GALNTL6: variants seen among roughly 807,000 people sequenced by gnomAD.
The protein encoded by GALNTL6 is polypeptide N-acetylgalactosaminyltransferase-like 6.
In GALNTL6, 46 loss-of-function variants were observed where a neutral mutation model predicts 73.7. The ratio of observed to expected loss-of-function variants is 0.62; its 90% CI spans 0.49 to 0.80. The LOEUF is 0.80. GALNTL6 is among the 30% of genes least tolerant of loss of function. The probability of loss-of-function intolerance (pLI) is 0.00; values close to 1 mark genes in which losing one functional copy is unlikely to be tolerated. For missense variants in GALNTL6, 604 were observed against 755.0 expected, an observed-to-expected ratio of 0.80 and a Z score of 2.34; for synonymous variants, 259 against 263.7, an observed-to-expected ratio of 0.98 and a Z score of 0.17.
At chr4:172,407,285 G>A (rs985504692) in intron 5 of GALNTL6, among the ~76,000 whole-genome samples, 9 of 152,050 alleles carry the variant, frequency 5.9e-5, no homozygotes, top group African/African-American at 2.2e-4. Context: ...AAAACTAAGT[G>A]AATGGCAGTA....
chr4:171,970,274 T>C (rs1739527952), intron 2 of GALNTL6, among the ~76,000 whole-genome samples: 1 of 152,226 alleles, frequency 6.6e-6, no homozygotes, highest in South Asian at 2.1e-4. Flanking sequence ...AAATACTACC[T>C]ACTGTAAATT....
At chr4:172,846,434 A>G (rs1743509908) in intron 7 of GALNTL6, among the ~76,000 whole-genome samples, 1 of 152,204 alleles carries the variant, frequency 6.6e-6, no homozygotes, top group Admixed American at 6.5e-5. Flanking sequence ...TTCTGTGTAC[A>G]TACACAGAAC....
In GALNTL6 at chr4:172,618,492, T is replaced by C. The variant is rs115987514; in HGVS notation, c.554-190869T>C. ...CCAACTCATCTGCTTTCTTTGGTAA[T>C]AAATTTAGTAAAGAGAGAAATTCTT... On this transcript the variant is annotated intron_variant, in intron 5 of 12. Transcript: ENST00000506823. 3.4e-3 allele frequency among the ~76,000 whole-genome samples: 514 copies of C among 152,264 alleles called. 3 individuals are homozygous for C. Among genetic ancestry groups the C allele is most frequent in the African/African-American group, 0.012 (478 of 41,558 alleles).
chr4:172,707,263 T>A (rs1301648600), intron 5 of GALNTL6, among the ~76,000 whole-genome samples: 1 of 152,198 alleles, frequency 6.6e-6, no homozygotes, highest in East Asian at 1.9e-4. Flanking sequence ...GTTCAAAAAA[T>A]TCTTCAACTT....
chr4:172,259,957 A>G (rs1303700270), intron 3 of GALNTL6, among the ~76,000 whole-genome samples: 1 of 151,648 alleles, frequency 6.6e-6, no homozygotes, highest in Non-Finnish European at 1.5e-5. Context: ...ATTATGTTCC[A>G]TTAGTCCACT....
intron 10 of GALNTL6, among the ~76,000 whole-genome samples, chr4:172,999,407 C>G (rs1579762716): frequency 6.6e-6 from 1 of 152,132 alleles, no homozygotes; most frequent in Non-Finnish European, 1.5e-5. Context: ...CTTCCAGCAC[C>G]CTCTATTAGC....
At chr4:172,025,702 G>T (rs917873027) in intron 2 of GALNTL6, among the ~76,000 whole-genome samples, 4 of 151,798 alleles carry the variant, frequency 2.6e-5, no homozygotes, top group African/African-American at 9.7e-5. Flanking sequence ...CTAAATATTG[G>T]TTCAGTATAT....
chr4:172,870,810 A>G (rs1744894289), intron 7 of GALNTL6, among the ~76,000 whole-genome samples: 1 of 152,222 alleles, frequency 6.6e-6, no homozygotes, highest in African/African-American at 2.4e-5. Flanking sequence ...GAGAAATGTG[A>G]CCAGGATTAA....
chr4:172,426,406 A>G (rs1455322728), intron 5 of GALNTL6, among the ~76,000 whole-genome samples: 1 of 152,166 alleles, frequency 6.6e-6, no homozygotes, highest in African/African-American at 2.4e-5. Context: ...ACATTTAACA[A>G]TATCACACAA....
intron 2 of GALNTL6, among the ~76,000 whole-genome samples, chr4:172,047,870 A>G (rs538710040): frequency 2.0e-5 from 3 of 152,270 alleles, no homozygotes; most frequent in Non-Finnish European, 4.4e-5. Context: ...AATTAATATT[A>G]TTATTGTGTT....
At chr4:172,143,526 C>T (rs1326860990) in intron 2 of GALNTL6, among the ~76,000 whole-genome samples, 1 of 151,610 alleles carries the variant, frequency 6.6e-6, no homozygotes, top group Non-Finnish European at 1.5e-5. Flanking sequence ...ACCTTTTTTG[C>T]ACCATACTAA....
intron 5 of GALNTL6, among the ~76,000 whole-genome samples, chr4:172,764,724 A>T (rs907464470): frequency 2.6e-5 from 4 of 152,194 alleles, no homozygotes; most frequent in Admixed American, 2.0e-4. Context: ...TGTCTCAAAA[A>T]TAGAATCACA....
At chr4:172,019,302 C>T (rs1205343491) in intron 2 of GALNTL6, among the ~76,000 whole-genome samples, 1 of 151,986 alleles carries the variant, frequency 6.6e-6, no homozygotes, top group Non-Finnish European at 1.5e-5. Context: ...TGAAAAATGT[C>T]TGTTTGGAGC....
intron 5 of GALNTL6, among the ~76,000 whole-genome samples, chr4:172,380,681 T>G (rs1032939969): frequency 3.3e-5 from 5 of 152,230 alleles, no homozygotes; most frequent in African/African-American, 1.2e-4. Context: ...CTTAAAGCTT[T>G]AAAAATGTAA....
chr4:172,579,168 C>T (rs1386839256), intron 5 of GALNTL6, among the ~76,000 whole-genome samples: 2 of 152,096 alleles, frequency 1.3e-5, no homozygotes, highest in Non-Finnish European at 2.9e-5. Flanking sequence ...TATGTTTGTC[C>T]ACTGTTGTCA....
At chr4:172,132,428 G>A (rs1733523098) in intron 2 of GALNTL6, among the ~76,000 whole-genome samples, 1 of 152,088 alleles carries the variant, frequency 6.6e-6, no homozygotes, top group Admixed American at 6.5e-5. Context: ...GTTCAACTCT[G>A]AGATTGGAAA....
intron 2 of GALNTL6, chr4:171,816,231 T>C (rs1734521088): frequency 6.6e-6 from 1 of 152,106 alleles, no homozygotes; most frequent in African/African-American, 2.4e-5. Flanking sequence ...CAATTAACAA[T>C]AACCATCTGA....
At chr4:171,978,892 A>G (rs899502141) in intron 2 of GALNTL6, among the ~76,000 whole-genome samples, 1 of 152,254 alleles carries the variant, frequency 6.6e-6, no homozygotes, top group Non-Finnish European at 1.5e-5. Flanking sequence ...CTACATATAC[A>G]TATAAATCAA....
chr4:172,668,208 A>T (rs1731778751), intron 5 of GALNTL6: 1 of 152,206 alleles, frequency 6.6e-6, no homozygotes, highest in Non-Finnish European at 1.5e-5. Flanking sequence ...CTACATTAGG[A>T]ATTTGAATGA....
Sources: allele counts gnomAD v4.1 joint callset (sites outside exome capture counted in the v4.1 genomes callset), GRCh38; gene constraint gnomAD v4.1.1; transcripts MANE v1.5; gene names NCBI Gene and HGNC (gene_info 2026-07-23, HGNC 2026-07-21).